The following ERMP1 variants were observed in gnomAD, a reference collection of about 807,000 sequenced individuals.
The protein encoded by ERMP1 is endoplasmic reticulum metallopeptidase 1.
ERMP1 carries 86 observed loss-of-function variants against 92.0 expected under a neutral mutation model. That is an observed-to-expected ratio of 0.93 (90% CI 0.79 to 1.12). ERMP1 has a LOEUF of 1.12. Among genes scored for constraint, ERMP1 ranks in the 50% most tolerant of loss-of-function variants. The pLI is 0.00. For missense variants in ERMP1, 1,342 were observed against 1,116.3 expected, an observed-to-expected ratio of 1.20 and a Z score of -2.88; for synonymous variants, 530 against 412.8, an observed-to-expected ratio of 1.28 and a Z score of -3.44.
rs1438557609 is a variant in ERMP1, at chr9:5,799,025, A to G, written c.2068-17T>C. On this transcript the variant is annotated splice_polypyrimidine_tract_variant and intron_variant, in intron 11 of 14. Transcript: ENST00000339450. ...AGTCATATGCTGAAAAAAAAAGACT[A>G]GTGAAAAAACTGTTTCAACTAGTAC... 6.2e-7 allele frequency: 1 copy of G among 1,604,864 alleles called. No individual in the cohort carries two copies. Among genetic ancestry groups the G allele is most frequent in the East Asian group, 2.2e-5 (1 of 44,810 alleles).
chr9:5,818,854 C>A lies in ERMP1; in HGVS notation c.874+5042G>T, dbSNP rs190668586. 1.3e-4 allele frequency among the ~76,000 whole-genome samples: 20 copies of A among 152,304 alleles called. 1 individual carries two copies. The highest frequency in any genetic ancestry group is 2.4e-5 in the African/African-American group (1 of 41,560). On this transcript the variant is annotated intron_variant, in intron 4 of 14. Coordinates refer to ENST00000339450, the MANE Select transcript of ERMP1 (RefSeq NM_024896.3). ...AAAAGTAATACATGTTGCCAAAATG[C>A]ACATCTACATTCTCACTAACAGTGT... is the stretch of plus-strand genomic sequence containing the variant.
intron 4 of ERMP1, among the ~76,000 whole-genome samples, chr9:5,813,272 T>C (rs2131243575): frequency 6.6e-6 from 1 of 152,306 alleles, no homozygotes; most frequent in South Asian, 2.1e-4. Context: ...CAAAAGTCTG[T>C]CTGAAAATGA....
chr9:5,858,935 C>G (rs888023314), intron 6 of ERMP1, among the ~76,000 whole-genome samples: 1 of 152,222 alleles, frequency 6.6e-6, no homozygotes, highest in Non-Finnish European at 1.5e-5. Flanking sequence ...TGGGAGTTCA[C>G]CAAGTCCCTA....
Position 5,785,119 on chromosome 9 carries a change from G to T in ERMP1, c.*2025C>A, listed in dbSNP as rs1022231377. On this transcript the variant is annotated 3_prime_UTR_variant, in exon 15 of 15. Coordinates refer to ENST00000339450, the MANE Select transcript of ERMP1 (RefSeq NM_024896.3). Reference sequence around the variant, plus strand: ...TGAGACTAGTGAGCATCTTACTACTGACCTTGTACAATACCAAAGCTTCAT... The same window carrying T: ...TGAGACTAGTGAGCATCTTACTACTTACCTTGTACAATACCAAAGCTTCAT... 6.6e-6 allele frequency: 1 copy of T among 152,040 alleles called. No individual in the cohort carries two copies. The highest frequency in any genetic ancestry group is 2.4e-5 in the African/African-American group (1 of 41,392). 9.4% of individuals were successfully genotyped at this position (152,040 alleles called of 1,614,324 possible). A position where few individuals can be genotyped will look rare whatever the true frequency, so the allele number is the denominator to read the frequency against.
intron 7 of ERMP1, 150 bp downstream of exon 7, chr9:5,810,961 A>C (rs1236031444): frequency 9.0e-6 from 5 of 556,204 alleles, no homozygotes; most frequent in Non-Finnish European, 9.4e-6. Context: ...TAAGCATATT[A>C]ATTTAATATT....
At chr9:5,803,477 C>T (rs1418354310) in intron 10 of ERMP1, among the ~76,000 whole-genome samples, 2 of 152,176 alleles carry the variant, frequency 1.3e-5, no homozygotes, top group Non-Finnish European at 2.9e-5. Context: ...CTCCAGGGTT[C>T]ATTTTGCCCC....
At chr9:5,857,585 G>T (rs1009247542) in intron 6 of ERMP1, among the ~76,000 whole-genome samples, 1 of 152,234 alleles carries the variant, frequency 6.6e-6, no homozygotes. Context: ...TAATCTATTG[G>T]TACATCCCAT....
At chr9:5,798,681 G>A in intron 12 of ERMP1, 125 bp downstream of exon 12, 1 of 550,322 alleles carries the variant, frequency 1.8e-6, no homozygotes. Context: ...CATAATGATA[G>A]AAAAAATAGT....
intron 10 of ERMP1, among the ~76,000 whole-genome samples, chr9:5,804,221 A>T (rs181120167): frequency 2.0e-5 from 3 of 152,100 alleles, no homozygotes; most frequent in African/African-American, 7.2e-5. Context: ...ATTACTTTTT[A>T]TTCTTAGGAA....
chr9:5,787,644 AAAAT>A (rs1268488886), intron 13 of ERMP1, 51 bp from the exon 14 acceptor site: 2 of 1,554,288 alleles, frequency 1.3e-6, no homozygotes, highest in Non-Finnish European at 1.7e-6. Context: ...AAGGATCAAA[AAAAT>A]AACCCACAAT....
intron 5 of ERMP1, among the ~76,000 whole-genome samples, chr9:5,860,593 T>G (rs1000218699): frequency 6.6e-6 from 1 of 150,510 alleles, no homozygotes; most frequent in African/African-American, 2.4e-5. Context: ...AAGGACAATT[T>G]TATCAACTTC....
intron 10 of ERMP1, among the ~76,000 whole-genome samples, chr9:5,802,125 G>C (rs1828697002): frequency 6.6e-6 from 1 of 152,172 alleles, no homozygotes; most frequent in African/African-American, 2.4e-5. Context: ...TGTGAATACT[G>C]AGAGAAAGAT....
chr9:5,812,353 G>A (rs771015545), intron 5 of ERMP1, 136 bp from the exon 6 acceptor site: 19 of 592,640 alleles, frequency 3.2e-5, no homozygotes, highest in Non-Finnish European at 4.4e-5. Flanking sequence ...ATTTACAAAC[G>A]ACTGATATAA....
At chr9:5,839,430 T>C (rs1830131099) in intron 6 of ERMP1, among the ~76,000 whole-genome samples, 2 of 152,362 alleles carry the variant, frequency 1.3e-5, no homozygotes, top group Admixed American at 6.5e-5. Context: ...CTGTTTGACT[T>C]TCTCCACTGG....
At chr9:5,850,667 C>T (rs961047461) in intron 6 of ERMP1, among the ~76,000 whole-genome samples, 1 of 152,102 alleles carries the variant, frequency 6.6e-6, no homozygotes, top group African/African-American at 2.4e-5. Flanking sequence ...AACAAAAAAT[C>T]CTGGGCCCAA....
intron 11 of ERMP1, 134 bp downstream of exon 11, chr9:5,801,042 A>C: frequency 1.3e-6 from 1 of 787,546 alleles, no homozygotes; most frequent in Non-Finnish European, 2.0e-6. Flanking sequence ...TCACTGCCTT[A>C]CACACAAAAA....
intron 10 of ERMP1, among the ~76,000 whole-genome samples, chr9:5,802,828 A>C (rs1272982513): frequency 6.6e-6 from 1 of 152,224 alleles, no homozygotes; most frequent in Non-Finnish European, 1.5e-5. Flanking sequence ...CTCAGTTATC[A>C]GCACACAATG....
At chr9:5,816,355 G>T (rs7865802) in intron 4 of ERMP1, among the ~76,000 whole-genome samples, 1 of 151,998 alleles carries the variant, frequency 6.6e-6, no homozygotes, top group Non-Finnish European at 1.5e-5. Context: ...GTTTATCTGA[G>T]ATGATCATCC....
At chr9:5,835,338 AAG>A (rs1168193177), upstream of ERMP1, among the ~76,000 whole-genome samples, 6 of 148,552 alleles carry the variant, frequency 4.0e-5, no homozygotes, top group Non-Finnish European at 8.9e-5. Flanking sequence ...CATTCTAACA[AAG>A]AGACAATGAA....
Sources: gnomAD v4.1 joint callset for allele counts (sites outside exome capture counted in the v4.1 genomes callset) on GRCh38, gnomAD v4.1.1 for gene constraint, MANE v1.5 for transcripts, NCBI Gene and HGNC (gene_info 2026-07-23, HGNC 2026-07-21) for gene names.